Variants in NEDD9 observed in about 807,000 individuals in gnomAD.
NEDD9 encodes neural precursor cell expressed, developmentally down-regulated 9, also known as enhancer of filamentation 1.
NEDD9 carries 26 observed loss-of-function variants against 76.6 expected under a neutral mutation model. The observed-to-expected ratio is 0.34, with a 90% CI of 0.25 to 0.47. The LOEUF is 0.47. Among genes scored for constraint, NEDD9 ranks in the 20% least tolerant of loss-of-function variants. The pLI is 1.00. For missense variants in NEDD9, 937 were observed against 1,058.5 expected, an observed-to-expected ratio of 0.89 and a Z score of 1.59; for synonymous variants, 392 against 414.2, an observed-to-expected ratio of 0.95 and a Z score of 0.65.
At chr6:11,333,056 AAGGAAGGGAGGG>A (rs70994505) in intron 2 of NEDD9, among the ~76,000 whole-genome samples, 102,461 of 143,492 alleles carry the variant, frequency 0.71, 36,939 homozygotes, top group African/African-American at 0.86. Flanking sequence ...GGAAGGAAGG[AAGGAAGGGAGGG>A]AGGGAGGGAG....
At chr6:11,257,783 G>GTGTT (rs1327368836) in intron 3 of NEDD9, among the ~76,000 whole-genome samples, 3 of 151,034 alleles carry the variant, frequency 2.0e-5, no homozygotes, top group Non-Finnish European at 4.4e-5. Context: ...TTCTGTGTGT[G>GTGTT]TGTGTGTGTG....
chr6:11,187,383 G>A (rs1758005697), intron 6 of NEDD9, among the ~76,000 whole-genome samples: 1 of 152,124 alleles, frequency 6.6e-6, no homozygotes, highest in Admixed American at 6.5e-5. Flanking sequence ...CTCATACCCA[G>A]CTTTTGAATG....
intron 1 of NEDD9, among the ~76,000 whole-genome samples, chr6:11,355,715 GT>G (rs78276796): frequency 0.078 from 11,497 of 147,594 alleles, 554 homozygotes; most frequent in East Asian, 0.19. Context: ...AGAGCTTTAG[GT>G]TTTTTTTTTT....
At chr6:11,302,460 C>T (rs895318579) in intron 3 of NEDD9, among the ~76,000 whole-genome samples, 1 of 152,168 alleles carries the variant, frequency 6.6e-6, no homozygotes, top group African/African-American at 2.4e-5. Flanking sequence ...GGTACCATTC[C>T]TTCTGAAACT....
intron 3 of NEDD9, among the ~76,000 whole-genome samples, chr6:11,284,980 CTG>C (rs1473399973): frequency 6.6e-6 from 1 of 152,102 alleles, no homozygotes; most frequent in African/African-American, 2.4e-5. Context: ...TCTAGAGAGA[CTG>C]TGAATTTCCC....
In NEDD9 at chr6:11,355,790, C is replaced by A. The variant is rs182747168; in HGVS notation, c.-213-21229G>T. On this transcript the variant is annotated intron_variant, in intron 1 of 3. Transcript: ENST00000397378. ...GGCTGGAGGGCAGTGGCGCGATCTCCGCTCACTGCAAGCTCCGCCTCCTGT... is the reference window on the plus strand; with the variant it reads ...GGCTGGAGGGCAGTGGCGCGATCTCAGCTCACTGCAAGCTCCGCCTCCTGT... 1.2e-3 allele frequency among the ~76,000 whole-genome samples: 187 copies of A among 152,070 alleles called. 2 individuals are homozygous for A. In the Middle Eastern group the frequency reaches 0.024, roughly 19 times the overall value.
At chr6:11,277,347 A>T (rs1760438910) in intron 3 of NEDD9, among the ~76,000 whole-genome samples, 1 of 152,240 alleles carries the variant, frequency 6.6e-6, no homozygotes, top group African/African-American at 2.4e-5. Context: ...TGGAAGAATG[A>T]AGCTTTTATT....
rs1260762801 is a variant in NEDD9 at position 11,204,640 on chromosome 6, A to G, written c.459+8641T>C. ...GAGGCTAAGGCAGGAGAATCACTTG[A>G]ACCCAGGAGGCGGAGGTTGTGGTGA... On this transcript the variant is annotated intron_variant, in intron 2 of 6. Coordinates refer to ENST00000379446, the MANE Select transcript of NEDD9 (RefSeq NM_006403.4). 4.1e-5 allele frequency among the ~76,000 whole-genome samples: 6 copies of G among 147,492 alleles called. No individual in the cohort carries two copies. The South Asian group carries it at 8.6e-4, about 21-fold the overall frequency.
At chr6:11,265,258 G>A (rs73361014) in intron 3 of NEDD9, among the ~76,000 whole-genome samples, 19,440 of 152,196 alleles carry the variant, frequency 0.13, 1,567 homozygotes, top group African/African-American at 0.21. Flanking sequence ...TGTCTACCAG[G>A]CTTTATATCT....
At chr6:11,245,847 C>G (rs1759796249) in intron 3 of NEDD9, among the ~76,000 whole-genome samples, 1 of 152,050 alleles carries the variant, frequency 6.6e-6, no homozygotes, top group Admixed American at 6.5e-5. Flanking sequence ...AAAAAGCCCT[C>G]TTTATGAGCT....
rs375682323 is a variant in NEDD9, at chr6:11,290,552, AT to A, written c.12+15439del. Among the ~76,000 whole-genome samples, 77 of 152,294 alleles carry A rather than the reference AT, an allele frequency of 5.1e-4. 1 individual carries two copies. In the East Asian group the frequency reaches 0.014, roughly 27 times the overall value. On this transcript the variant is annotated intron_variant, in intron 3 of 3. Coordinates refer to the NEDD9 transcript ENST00000397378. ...CTGTGCAGCTCCCAGACCAAGAGGCATTGCCCTGGAACTGCGGGTTTTGCAG... is the reference window on the plus strand; with the variant it reads ...CTGTGCAGCTCCCAGACCAAGAGGCATGCCCTGGAACTGCGGGTTTTGCAG...
intron 3 of NEDD9, among the ~76,000 whole-genome samples, chr6:11,291,272 T>C (rs1026302268): frequency 1.1e-4 from 15 of 138,272 alleles, no homozygotes; most frequent in African/African-American, 4.4e-4. Context: ...ATGAGGTTTT[T>C]TTTTTTTTTT....
At chr6:11,289,204 A>G (rs918797926) in intron 3 of NEDD9, among the ~76,000 whole-genome samples, 1 of 152,250 alleles carries the variant, frequency 6.6e-6, no homozygotes, top group Non-Finnish European at 1.5e-5. Flanking sequence ...TGAAAAGAAG[A>G]GCTTGAGATG....
chr6:11,317,010 A>C (rs997337133), intron 2 of NEDD9, among the ~76,000 whole-genome samples: 4 of 152,208 alleles, frequency 2.6e-5, no homozygotes, highest in Non-Finnish European at 4.4e-5. Context: ...AGAATCTGTA[A>C]GCAGTTATAT....
In NEDD9 at chr6:11,345,776, A is replaced by G. The variant is rs181826015; in HGVS notation, c.-213-11215T>C. Among the ~76,000 whole-genome samples the G allele has an allele frequency of 4.1e-4, 62 of 152,354 alleles. 1 individual carries two copies. Among genetic ancestry groups the G allele is most frequent in the African/African-American group, 1.4e-3 (60 of 41,558 alleles). Reference sequence around the variant, plus strand: ...TCATGCATTGGTTGCAAACACCAATACAGTAGGAAGTAAAGCAGCATTTTA... The same window carrying G: ...TCATGCATTGGTTGCAAACACCAATGCAGTAGGAAGTAAAGCAGCATTTTA... On this transcript the variant is annotated intron_variant, in intron 1 of 3. Transcript: ENST00000397378.
chr6:11,261,200 C>A (rs529836974), intron 3 of NEDD9, among the ~76,000 whole-genome samples: 1 of 152,092 alleles, frequency 6.6e-6, no homozygotes, highest in Non-Finnish European at 1.5e-5. Flanking sequence ...TACATTGGTA[C>A]GCATCTTTTC....
chr6:11,267,714 T>C (rs1031283526), intron 3 of NEDD9, among the ~76,000 whole-genome samples: 2 of 152,198 alleles, frequency 1.3e-5, no homozygotes, highest in Non-Finnish European at 2.9e-5. Context: ...CCTGTGGAGA[T>C]ACGGGTCTTG....
At chr6:11,277,444 T>C (rs1339439723) in intron 3 of NEDD9, among the ~76,000 whole-genome samples, 2 of 152,102 alleles carry the variant, frequency 1.3e-5, no homozygotes, top group African/African-American at 4.8e-5. Flanking sequence ...CCAAAGCATG[T>C]TACAAATGGG....
At chr6:11,209,697 C>T (rs1002645867) in intron 2 of NEDD9, among the ~76,000 whole-genome samples, 3 of 152,114 alleles carry the variant, frequency 2.0e-5, no homozygotes, top group South Asian at 2.1e-4. Context: ...GAAACCAAGG[C>T]GTAGAGATGG....
Sources: gnomAD v4.1 joint callset for allele counts (sites outside exome capture counted in the v4.1 genomes callset) on GRCh38, gnomAD v4.1.1 for gene constraint, MANE v1.5 for transcripts, NCBI Gene and HGNC (gene_info 2026-07-23, HGNC 2026-07-21) for gene names.